The following NAPG variants were observed in gnomAD, a reference collection of about 807,000 sequenced individuals.
NAPG encodes the protein gamma-soluble NSF attachment protein.
Under a neutral mutation model 48.4 loss-of-function variants are expected in NAPG, and 25 were observed. The observed-to-expected ratio is 0.52, with a 90% CI of 0.38 to 0.72. The LOEUF (loss-of-function observed/expected upper bound fraction) is 0.72. Among genes scored for constraint, NAPG ranks in the 30% least tolerant of loss-of-function variants. The pLI is 0.00. For missense variants in NAPG, 359 were observed against 372.5 expected, an observed-to-expected ratio of 0.96 and a Z score of 0.30; for synonymous variants, 139 against 127.2, an observed-to-expected ratio of 1.09 and a Z score of -0.62.
At chr18:10,530,682 TTTA>T in intron 1 of NAPG, 85 bp from the exon 2 acceptor site, 19 of 759,248 alleles carry the variant, frequency 2.5e-5, no homozygotes, top group South Asian at 1.2e-4. Context: ...TTTTTTTTTT[TTTA>T]AAGACCTAGA....
At position 10,540,320 on chromosome 18, in the gene NAPG, T is replaced by C. The variant is rs1361387072; in HGVS notation, c.436-9T>C. 6.2e-7 allele frequency: 1 copy of C among 1,611,646 alleles called. No individual in the cohort carries two copies. Among genetic ancestry groups the C allele is most frequent in the Admixed American group, 1.7e-5 (1 of 59,802 alleles). On this transcript the variant is annotated splice_polypyrimidine_tract_variant and intron_variant, in intron 7 of 11. Coordinates refer to ENST00000322897, the MANE Select transcript of NAPG (RefSeq NM_003826.3). Reference sequence around the variant, plus strand: ...GCAGCCAACACTTGTTTTTCTTTGATTCCTTCAGAATGAAGAACGCTTACG... The same window carrying C: ...GCAGCCAACACTTGTTTTTCTTTGACTCCTTCAGAATGAAGAACGCTTACG...
At chr18:10,533,700 C>A in intron 4 of NAPG, 147 bp downstream of exon 4, 1 of 645,024 alleles carries the variant, frequency 1.6e-6, no homozygotes, top group Non-Finnish European at 2.5e-6. Context: ...TTTACCTAAA[C>A]CTTAAAAACC....
At chr18:10,549,186 A>T (rs2143153510) in intron 11 of NAPG, 90 bp downstream of exon 11, 3 of 1,440,882 alleles carry the variant, frequency 2.1e-6, no homozygotes, top group Middle Eastern at 1.8e-4. Flanking sequence ...TACTTAAGAG[A>T]TTTTTTCCTA....
rs368165270 is a variant in NAPG at position 10,541,554 on chromosome 18, A to G, written c.506+1155A>G. Among the ~76,000 whole-genome samples, 356 of 152,278 alleles carry G rather than the reference A, an allele frequency of 2.3e-3. 1 individual carries two copies. The highest frequency in any genetic ancestry group is 8.0e-3 in the African/African-American group (334 of 41,570). ...ATAGCTGAACTGTGAGGTGATACCA[A>G]GGTTCTGACTTGTGAGCAGGGGCCC... On this transcript the variant is annotated intron_variant, in intron 8 of 11. Coordinates refer to ENST00000322897, the MANE Select transcript of NAPG (RefSeq NM_003826.3).
At position 10,542,663 on chromosome 18, in the gene NAPG, T is replaced by G. The variant is rs1439271619; in HGVS notation, c.506+2264T>G. 6.6e-6 allele frequency among the ~76,000 whole-genome samples: 1 copy of G among 152,218 alleles called. No individual in the cohort carries two copies. The highest frequency in any genetic ancestry group is 2.4e-5 in the African/African-American group (1 of 41,442). On this transcript the variant is annotated intron_variant, in intron 8 of 11. Coordinates refer to ENST00000322897, the MANE Select transcript of NAPG (RefSeq NM_003826.3). This position sits in a 1 kb window ranked among gnomAD's most constrained non-coding sequence, Gnocchi z 4.5. ...TGGCATGGAGTCTAAAGTTTTATGT[T>G]TGTTATATTTAGTTAGTGCACTTAT...
chr18:10,535,852 G>T (rs762446945), intron 5 of NAPG, among the ~76,000 whole-genome samples: 62 of 152,270 alleles, frequency 4.1e-4, no homozygotes, highest in Non-Finnish European at 8.2e-4. Context: ...AAGCTTTTCT[G>T]GCCAAACATG....
rs1241737306 is a variant in NAPG, at chr18:10,530,840, AT to A, written c.124+8del. The A allele has an allele frequency of 6.4e-7, 1 of 1,571,732 alleles. No individual in the cohort carries two copies. Among genetic ancestry groups the A allele is most frequent in the South Asian group, 1.2e-5 (1 of 83,640 alleles). Reference sequence around the variant, plus strand: ...CGCTTCTGAATATGGAAAAGCAGGTATTTTTGACTATAGTCCAGTTGCTCCA... The same window carrying A: ...CGCTTCTGAATATGGAAAAGCAGGTATTTTGACTATAGTCCAGTTGCTCCA... On this transcript the variant is annotated splice_donor_region_variant and intron_variant, in intron 2 of 11. Coordinates refer to ENST00000322897, the MANE Select transcript of NAPG (RefSeq NM_003826.3).
chr18:10,528,154 C>T (rs528445440), intron 1 of NAPG, among the ~76,000 whole-genome samples: 180 of 151,868 alleles, frequency 1.2e-3, no homozygotes, highest in Non-Finnish European at 2.1e-3. Flanking sequence ...CCACTGCATT[C>T]CAGCCTGGGA....
Position 10,534,398 on chromosome 18 carries a change from C to T in NAPG, c.228-68C>T. On this transcript the variant is annotated intron_variant, in intron 4 of 11. Coordinates refer to ENST00000322897, the MANE Select transcript of NAPG (RefSeq NM_003826.3). The surrounding 1 kb of genome is among the most constrained non-coding windows in gnomAD (Gnocchi z 5.0). Reference sequence around the variant, plus strand: ...GTCACTTTCCTTACCAGTAGTTCCTCACCAGAAAGTTTCTTCTACCCCTTA... The same window carrying T: ...GTCACTTTCCTTACCAGTAGTTCCTTACCAGAAAGTTTCTTCTACCCCTTA... 7.1e-7 allele frequency: 1 copy of T among 1,408,416 alleles called. No individual in the cohort carries two copies. The highest frequency in any genetic ancestry group is 1.0e-6 in the Non-Finnish European group (1 of 995,992). 87.2% of individuals were successfully genotyped at this position (1,408,416 alleles called of 1,614,324 possible). A position where few individuals can be genotyped will look rare whatever the true frequency, so the allele number is the denominator to read the frequency against.
rs896474971 is a variant in NAPG at position 10,534,018 on chromosome 18, G to A, written c.228-448G>A. Reference sequence around the variant, plus strand: ...AAAAATTAACTGGATGTGGTGGCACGTGCCTGTAATCTCAGCTGTTGGGGA... The same window carrying A: ...AAAAATTAACTGGATGTGGTGGCACATGCCTGTAATCTCAGCTGTTGGGGA... On this transcript the variant is annotated intron_variant, in intron 4 of 11. Coordinates refer to ENST00000322897, the MANE Select transcript of NAPG (RefSeq NM_003826.3). This position sits in a 1 kb window ranked among gnomAD's most constrained non-coding sequence, Gnocchi z 5.0. Among the ~76,000 whole-genome samples, 1 of 152,126 alleles carries A rather than the reference G, an allele frequency of 6.6e-6. No homozygotes were observed. The highest frequency in any genetic ancestry group is 1.5e-5 in the Non-Finnish European group (1 of 68,026).
intron 8 of NAPG, among the ~76,000 whole-genome samples, chr18:10,541,008 T>C (rs556377463): frequency 9.8e-5 from 15 of 152,296 alleles, no homozygotes; most frequent in Middle Eastern, 3.4e-3. Flanking sequence ...TCTGCAGATA[T>C]CTTAATTGAA....
chr18:10,532,314 C>T (rs1316292521), intron 2 of NAPG, among the ~76,000 whole-genome samples: 1 of 152,090 alleles, frequency 6.6e-6, no homozygotes, highest in South Asian at 2.1e-4. Flanking sequence ...CAGTTTCTAC[C>T]TAATCGAATG....
In NAPG at chr18:10,548,359, T is replaced by G; in HGVS notation, c.646T>G (p.Cys216Gly). The change falls in exon 10 of 12, where the codon TGT (cysteine) becomes GGT (glycine). Residue 216 changes from cysteine to glycine, a missense_variant. Transcript: ENST00000322897. The surrounding 1 kb of genome is among the most constrained non-coding windows in gnomAD (Gnocchi z 4.4). Reference sequence around the variant, plus strand: ...AAATGACTATGTAGCTGCAGAAAGATGTGTCCGGGAGAGCTATAGGTAAGA... The same window carrying G: ...AAATGACTATGTAGCTGCAGAAAGAGGTGTCCGGGAGAGCTATAGGTAAGA... Reference protein sequence around the residue: ...HRNDYVAAERCVRESYSIPGF... With the variant: ...HRNDYVAAERGVRESYSIPGF... 1 of 1,613,678 alleles carries G rather than the reference T, an allele frequency of 6.2e-7. No individual in the cohort carries two copies. The highest frequency in any genetic ancestry group is 1.1e-5 in the South Asian group (1 of 91,074).
Position 10,550,288 on chromosome 18 carries a change from G to A in NAPG, c.*68G>A, listed in dbSNP as rs1258939571. ...CTGACATGCCATTTCAAGGACTTGGGAATAGATTAGGGATATCCGTACTTC... is the reference window on the plus strand; with the variant it reads ...CTGACATGCCATTTCAAGGACTTGGAAATAGATTAGGGATATCCGTACTTC... On this transcript the variant is annotated 3_prime_UTR_variant, in exon 12 of 12. Coordinates refer to ENST00000322897, the MANE Select transcript of NAPG (RefSeq NM_003826.3). 1 of 1,492,420 alleles carries A rather than the reference G, an allele frequency of 6.7e-7. No individual in the cohort carries two copies. The highest frequency in any genetic ancestry group is 1.4e-5 in the African/African-American group (1 of 69,600). The allele number at this position is 1,492,420 out of a possible 1,614,324, so 92.4% of individuals were successfully genotyped here.
chr18:10,540,602 A>G (rs962477719), intron 8 of NAPG: 2 of 451,890 alleles, frequency 4.4e-6, no homozygotes, highest in Admixed American at 4.0e-5. Flanking sequence ...TGAAAGTGTA[A>G]TGCCCAAATT....
rs1598411812 is a variant in NAPG, at chr18:10,542,491, A to T, written c.506+2092A>T. 6.6e-6 allele frequency among the ~76,000 whole-genome samples: 1 copy of T among 152,144 alleles called. No individual in the cohort carries two copies. Among genetic ancestry groups the T allele is most frequent in the East Asian group, 1.9e-4 (1 of 5,178 alleles). Reference sequence around the variant, plus strand: ...GAAAAAACATGCAGTGTTTATAGTGATGGAGACATTATTGAGATGATTTAT... The same window carrying T: ...GAAAAAACATGCAGTGTTTATAGTGTTGGAGACATTATTGAGATGATTTAT... On this transcript the variant is annotated intron_variant, in intron 8 of 11. Transcript: ENST00000322897. The surrounding 1 kb of genome is among the most constrained non-coding windows in gnomAD (Gnocchi z 4.5).
At position 10,539,985 on chromosome 18, in the gene NAPG, C is replaced by T. The variant is rs1372384042; in HGVS notation, c.369-3C>T. On this transcript the variant is annotated splice_region_variant and splice_polypyrimidine_tract_variant and intron_variant, in intron 6 of 11. Transcript: ENST00000322897. This position sits in a 1 kb window ranked among gnomAD's most constrained non-coding sequence, Gnocchi z 4.7. ...ATAAGACATGTTTTCTTGTCTGATTCAGGCTTATAGAAAATGTTGATCCAG... is the reference window on the plus strand; with the variant it reads ...ATAAGACATGTTTTCTTGTCTGATTTAGGCTTATAGAAAATGTTGATCCAG... The T allele has an allele frequency of 6.2e-7, 1 of 1,604,058 alleles. No individual in the cohort carries two copies.
Position 10,546,401 on chromosome 18 carries a change from T to G in NAPG, c.582T>G (p.Tyr194Ter), listed in dbSNP as rs751822920. Residue 194 changes from tyrosine (Y) to a stop codon, truncating the protein, a stop_gained, in exon 9 of 12, where the codon TAT becomes TAG. Transcript: ENST00000322897. LOFTEE classifies it high-confidence loss of function. This position sits in a 1 kb window ranked among gnomAD's most constrained non-coding sequence, Gnocchi z 4.0. The stretch of plus-strand genomic sequence containing the variant: ...AAATTGAGAATTATCCAACTTGTTA[T>G]AAGGTATTCTTTGAAAGTGTTTGTT... ...YKEIENYPTC[Y>*]KKTIAQVLVH... 6.6e-7 allele frequency: 1 copy of G among 1,517,188 alleles called. No homozygotes were observed. The highest frequency in any genetic ancestry group is 1.2e-5 in the South Asian group (1 of 82,752). 94.0% of individuals were successfully genotyped at this position (1,517,188 alleles called of 1,614,324 possible).
In NAPG at chr18:10,550,355, A is replaced by T. The variant is rs1414042401; in HGVS notation, c.*135A>T. On this transcript the variant is annotated 3_prime_UTR_variant, in exon 12 of 12. Coordinates refer to ENST00000322897, the MANE Select transcript of NAPG (RefSeq NM_003826.3). Reference sequence around the variant, plus strand: ...TGGATCCTAATAAAGACTAGTTTTTAGTTACCATCTTCCCAAATCACTCAT... The same window carrying T: ...TGGATCCTAATAAAGACTAGTTTTTTGTTACCATCTTCCCAAATCACTCAT... The T allele has an allele frequency of 1.1e-6, 1 of 897,176 alleles. No homozygotes were observed. Among genetic ancestry groups the T allele is most frequent in the Admixed American group, 4.0e-5 (1 of 25,020 alleles). The allele number at this position is 897,176 out of a possible 1,614,324, so 55.6% of individuals were successfully genotyped here.
Sources: allele counts gnomAD v4.1 joint callset (sites outside exome capture counted in the v4.1 genomes callset), GRCh38; gene constraint gnomAD v4.1.1; non-coding constraint Gnocchi (gnomAD v3.1); transcripts MANE v1.5; gene names NCBI Gene and HGNC (gene_info 2026-07-23, HGNC 2026-07-21).